JMJD6: variants seen among roughly 807,000 people sequenced by gnomAD.
The protein encoded by JMJD6 is bifunctional arginine demethylase and lysyl-hydroxylase JMJD6.
Under a neutral mutation model 45.8 loss-of-function variants are expected in JMJD6, and 17 were observed. That is an observed-to-expected ratio of 0.37 (90% CI 0.25 to 0.56). The LOEUF (loss-of-function observed/expected upper bound fraction) is 0.56. Ranked by LOEUF, JMJD6 falls within the 20% of genes least tolerant of loss-of-function variation. The pLI is 0.79. For synonymous variants in JMJD6, 221 were observed against 196.3 expected (o/e 1.13, Z -1.05); for missense variants, 470 against 517.5 (o/e 0.91, Z 0.89).
intron 2 of JMJD6, among the ~76,000 whole-genome samples, chr17:76,724,460 G>A (rs1011200541): frequency 6.6e-6 from 1 of 152,056 alleles, no homozygotes. Flanking sequence ...TTATTTCAGA[G>A]ATTATATAAA....
chr17:76,716,582 AAAG>A, downstream of JMJD6: 1 of 1,079,842 alleles, frequency 9.3e-7, no homozygotes, highest in Non-Finnish European at 1.4e-6. Flanking sequence ...ATCCAAATTC[AAAG>A]AAGACAGAGG....
chr17:76,718,880 A>C lies in JMJD6; in HGVS notation c.1081-20T>G, dbSNP rs559982077. ...CTCGCACTGGACACAGGAGGACAGAAAACAAGGAGTCAACCTGGATGCAAC... is the reference window on the plus strand; with the variant it reads ...CTCGCACTGGACACAGGAGGACAGACAACAAGGAGTCAACCTGGATGCAAC... On this transcript the variant is annotated intron_variant, in intron 5 of 5. Coordinates refer to ENST00000397625, the MANE Select transcript of JMJD6 (RefSeq NM_015167.3). 4.3e-6 allele frequency: 7 copies of C among 1,609,346 alleles called. No individual in the cohort carries two copies. The South Asian group carries it at 7.7e-5, about 18-fold the overall frequency.
chr17:76,720,584 C>A lies in JMJD6; in HGVS notation c.942-86G>T. 2.9e-6 allele frequency: 4 copies of A among 1,363,958 alleles called. 1 individual carries two copies. In the South Asian group the frequency reaches 4.8e-5, roughly 16 times the overall value. 84.5% of individuals were successfully genotyped at this position (1,363,958 alleles called of 1,614,324 possible). A position where few individuals can be genotyped will look rare whatever the true frequency, so the allele number is the denominator to read the frequency against. On this transcript the variant is annotated intron_variant, in intron 4 of 5. Transcript: ENST00000397625. Reference sequence around the variant, plus strand: ...ACTCAGAGTCGAGGCCTGTGTCTCTCAGAAACACCTGGGAATGCCAGGTGT... The same window carrying A: ...ACTCAGAGTCGAGGCCTGTGTCTCTAAGAAACACCTGGGAATGCCAGGTGT...
chr17:76,726,196 C>G (rs2030628528), intron 1 of JMJD6, 151 bp downstream of exon 1: 1 of 1,110,958 alleles, frequency 9.0e-7, no homozygotes, highest in South Asian at 1.8e-5. Context: ...CCGGAATCCG[C>G]GCCTCGGGGA....
chr17:76,720,532 G>A (rs1293319811), intron 4 of JMJD6, 34 bp from the exon 5 acceptor site: 1 of 1,609,604 alleles, frequency 6.2e-7, no homozygotes, highest in African/African-American at 1.3e-5. Context: ...TCAGTGCACT[G>A]ACAGCCATAC....
In JMJD6 at chr17:76,725,548, A is replaced by G; in HGVS notation, c.437T>C (p.Leu146Pro). The change falls in exon 2 of 6, where the codon CTT becomes CCT. Residue 146 changes from leucine (L) to proline (P), a missense_variant. Leu to Pro is a moderately conservative substitution (Grantham distance 98). Coordinates refer to ENST00000397625, the MANE Select transcript of JMJD6 (RefSeq NM_015167.3). ...SYGEHPKRRK[L>P]LEDYKVPKFF... The stretch of plus-strand genomic sequence containing the variant: ...CTTTGGCACCTTGTAGTCTTCCAAA[A>G]GTTTCCTTCTTTTAGGGTGTTCACC... 1 of 1,614,158 alleles carries G rather than the reference A, an allele frequency of 6.2e-7. No homozygotes were observed. The highest frequency in any genetic ancestry group is 8.5e-7 in the Non-Finnish European group (1 of 1,180,032).
chr17:76,716,689 G>C (rs769974112), downstream of JMJD6: 8 of 1,614,130 alleles, frequency 5.0e-6, no homozygotes, highest in Admixed American at 1.3e-4. Context: ...TATCTGCTCA[G>C]GGGTGAGCCC....
downstream of JMJD6, chr17:76,713,794 A>C (rs1236547816): frequency 1.3e-5 from 2 of 152,218 alleles, no homozygotes; most frequent in African/African-American, 4.8e-5. Context: ...TTTATGAAGA[A>C]GCTGTTACTA....
chr17:76,725,477 G>A lies in JMJD6; in HGVS notation c.508C>T (p.Pro170Ser). Residue 170 changes from proline (P) to serine (S), a missense_variant, in exon 2 of 6, where the codon CCC becomes TCC. Pro to Ser is a moderately conservative substitution (Grantham distance 74). Transcript: ENST00000397625. ...LFQYAGEKRR[P>S]PYRWFVMGPP... ...TGCAGAATACTTTACCTGTAAGGGGGCCTGCGCTTCTCCCCAGCATACTGG... is the reference window on the plus strand; with the variant it reads ...TGCAGAATACTTTACCTGTAAGGGGACCTGCGCTTCTCCCCAGCATACTGG... 6.2e-7 allele frequency: 1 copy of A among 1,610,812 alleles called. No individual in the cohort carries two copies. Among genetic ancestry groups the A allele is most frequent in the Non-Finnish European group, 8.5e-7 (1 of 1,178,712 alleles).
chr17:76,722,508 G>A (rs1012940446), intron 3 of JMJD6, among the ~76,000 whole-genome samples: 27 of 152,118 alleles, frequency 1.8e-4, no homozygotes, highest in Non-Finnish European at 1.6e-4. Flanking sequence ...TTTGAACCAA[G>A]GAGGCCAGCC....
At chr17:76,722,312 A>T (rs748697556) in intron 3 of JMJD6, among the ~76,000 whole-genome samples, 4 of 152,250 alleles carry the variant, frequency 2.6e-5, no homozygotes, top group Non-Finnish European at 5.9e-5. Flanking sequence ...AGCCTCTACG[A>T]AGAGGACACC....
rs764596848 is a variant in JMJD6 at position 76,718,695 on chromosome 17, C to T, written c.*34G>A. 13 of 1,608,086 alleles carry T rather than the reference C, an allele frequency of 8.1e-6. No homozygotes were observed. The highest frequency in any genetic ancestry group is 3.4e-5 in the Admixed American group (2 of 59,602). On this transcript the variant is annotated 3_prime_UTR_variant, in exon 6 of 6. Coordinates refer to ENST00000397625, the MANE Select transcript of JMJD6 (RefSeq NM_015167.3). Reference sequence around the variant, plus strand: ...CCCCAGGCCCTGCCCTTGCCGCGAGCGTGTCCTTCCATACAGACAACAGCC... The same window carrying T: ...CCCCAGGCCCTGCCCTTGCCGCGAGTGTGTCCTTCCATACAGACAACAGCC...
At position 76,724,139 on chromosome 17, in the gene JMJD6, C is replaced by CT. The variant is rs1292247264; in HGVS notation, c.519-82dup. 5 of 1,458,152 alleles carry CT rather than the reference C, an allele frequency of 3.4e-6. No homozygotes were observed. The Admixed American group carries it at 5.7e-5, about 17-fold the overall frequency. The allele number at this position is 1,458,152 out of a possible 1,614,324, so 90.3% of individuals were successfully genotyped here. ...ACAAAACAATAAGTTTTTAGTTTTTCTTTGAGAGTCTTGCTCTATCACCCA... is the reference window on the plus strand; with the variant it reads ...ACAAAACAATAAGTTTTTAGTTTTTCTTTTGAGAGTCTTGCTCTATCACCCA... On this transcript the variant is annotated intron_variant, in intron 2 of 5. Coordinates refer to ENST00000397625, the MANE Select transcript of JMJD6 (RefSeq NM_015167.3).
chr17:76,720,455 A>C lies in JMJD6; in HGVS notation c.985T>G (p.Ser329Ala), dbSNP rs778019280. 2 of 1,614,092 alleles carry C rather than the reference A, an allele frequency of 1.2e-6. No homozygotes were observed. Among genetic ancestry groups the C allele is most frequent in the Non-Finnish European group, 8.5e-7 (1 of 1,179,994 alleles). Residue 329 changes from serine (S) to alanine (A), a missense_variant, in exon 5 of 6, where the codon TCG (serine) becomes GCG (alanine). This residue lies in a region of JMJD6 where 58 missense variants were observed against 103.9 expected (regional missense o/e 0.56). Coordinates refer to ENST00000397625, the MANE Select transcript of JMJD6 (RefSeq NM_015167.3). Reference sequence around the variant, plus strand: ...CCTGTGGACTCCTGAAGGTCAACCGAGTCTGCGAGGACTGCCAACTCGGGG... The same window carrying C: ...CCTGTGGACTCCTGAAGGTCAACCGCGTCTGCGAGGACTGCCAACTCGGGG... ...EHPELAVLADSVDLQESTGIA... is the reference protein window; with the variant it reads ...EHPELAVLADAVDLQESTGIA...
downstream of JMJD6, chr17:76,716,590 C>T: frequency 1.8e-6 from 2 of 1,131,294 alleles, no homozygotes; most frequent in Admixed American, 1.8e-5. Flanking sequence ...TCAAAGAAGA[C>T]AGAGGAGAAG....
rs569221908 is a variant in JMJD6 at position 76,726,172 on chromosome 17, G to A, written c.129+175C>T. The stretch of plus-strand genomic sequence containing the variant: ...CAGACGGGCGGCCACAGCACGGGAG[G>A]AAGCAGACCCGCCCCGGAATCCGCG... On this transcript the variant is annotated intron_variant, in intron 1 of 5. Coordinates refer to ENST00000397625, the MANE Select transcript of JMJD6 (RefSeq NM_015167.3). Among the ~76,000 whole-genome samples, 14 of 152,368 alleles carry A rather than the reference G, an allele frequency of 9.2e-5. No individual in the cohort carries two copies. The South Asian group carries it at 2.7e-3, about 29-fold the overall frequency.
In JMJD6 at chr17:76,720,513, G is replaced by A. The variant is rs749627781; in HGVS notation, c.942-15C>T. The A allele has an allele frequency of 1.5e-5, 24 of 1,613,452 alleles. No individual in the cohort carries two copies. The highest frequency in any genetic ancestry group is 2.0e-5 in the Non-Finnish European group (24 of 1,179,686). ...GCTTCAAAATCCTGAGAGGCAAGAAGTGTTGTTCTCAGTGCACTGACAGCC... is the reference window on the plus strand; with the variant it reads ...GCTTCAAAATCCTGAGAGGCAAGAAATGTTGTTCTCAGTGCACTGACAGCC... On this transcript the variant is annotated splice_polypyrimidine_tract_variant and intron_variant, in intron 4 of 5. Transcript: ENST00000397625.
In JMJD6 at chr17:76,718,832, G is replaced by A; in HGVS notation, c.1109C>T (p.Thr370Ile). The change falls in exon 6 of 6, where the codon ACA becomes ATA. Residue 370 changes from threonine (T) to isoleucine (I), a missense_variant. This residue lies in a region of JMJD6 where 45 missense variants were observed against 37.2 expected (regional missense o/e 1.21). Coordinates refer to ENST00000397625, the MANE Select transcript of JMJD6 (RefSeq NM_015167.3). ...ECESGSEGDG[T>I]VHRRKKRRTC... ...CCTCCTCTTCTTCCTGCGGTGCACT[G>A]TCCCATCGCCCTCGGATCCAGACTC... 6.2e-7 allele frequency: 1 copy of A among 1,614,158 alleles called. No homozygotes were observed. The highest frequency in any genetic ancestry group is 8.5e-7 in the Non-Finnish European group (1 of 1,180,014).
At chr17:76,722,023 C>G in intron 3 of JMJD6, 90 bp from the exon 4 acceptor site, 1 of 1,393,244 alleles carries the variant, frequency 7.2e-7, no homozygotes, top group Non-Finnish European at 9.9e-7. Flanking sequence ...GAACTCCTAC[C>G]CATAAGGGAG....
Sources: allele counts gnomAD v4.1 joint callset (sites outside exome capture counted in the v4.1 genomes callset), GRCh38; gene constraint gnomAD v4.1.1; regional missense constraint gnomAD v4.1.1; transcripts MANE v1.5; gene names NCBI Gene and HGNC (gene_info 2026-07-23, HGNC 2026-07-21).